NDFIP2: variants seen among roughly 807,000 people sequenced by gnomAD.
The protein encoded by NDFIP2 is NEDD4 family-interacting protein 2.
Under a neutral mutation model 36.0 loss-of-function variants are expected in NDFIP2, and 19 were observed. The observed-to-expected ratio is 0.53, with a 90% CI of 0.37 to 0.77. The LOEUF (loss-of-function observed/expected upper bound fraction) is 0.77, where lower values mean the gene tolerates loss of function less well. Ranked by LOEUF, NDFIP2 falls within the 30% of genes least tolerant of loss-of-function variation. The probability of loss-of-function intolerance (pLI) is 0.00; values close to 1 mark genes in which losing one functional copy is unlikely to be tolerated. For missense variants in NDFIP2, 446 were observed against 435.8 expected, an observed-to-expected ratio of 1.02 and a Z score of -0.21; for synonymous variants, 181 against 167.7, an observed-to-expected ratio of 1.08 and a Z score of -0.61.
In NDFIP2 at chr13:79,533,485, A is replaced by G. The variant is rs1239703033; in HGVS notation, c.621+29A>G. The stretch of plus-strand genomic sequence containing the variant: ...AGAAAATTTCATCATTTCTTTTGAT[A>G]AAATTATTTTCGTTAATTGATATAT... On this transcript the variant is annotated intron_variant, in intron 3 of 7. Transcript: ENST00000218652. The G allele has an allele frequency of 8.9e-6, 14 of 1,566,874 alleles. No homozygotes were observed. The East Asian group carries it at 3.0e-4, about 34-fold the overall frequency.
At chr13:79,550,890 T>C (rs1330294184) in intron 6 of NDFIP2, 127 bp from the exon 7 acceptor site, 23 of 545,658 alleles carry the variant, frequency 4.2e-5, no homozygotes, top group Non-Finnish European at 6.6e-6. Context: ...ATTACAGAAA[T>C]GAATGGAAGT....
intron 3 of NDFIP2, 117 bp downstream of exon 3, chr13:79,533,573 A>G: frequency 2.2e-6 from 2 of 901,810 alleles, no homozygotes; most frequent in Non-Finnish European, 3.2e-6. Context: ...TTTTTTGAGC[A>G]TTATGGGTTT....
At chr13:79,546,171 G>T (rs1875670912) in intron 5 of NDFIP2, among the ~76,000 whole-genome samples, 1 of 152,040 alleles carries the variant, frequency 6.6e-6, no homozygotes, top group South Asian at 2.1e-4. Flanking sequence ...AGAGTTTAGT[G>T]CTGAGAGAAA....
chr13:79,491,038 G>A (rs1273628386), intron 1 of NDFIP2, among the ~76,000 whole-genome samples: 3 of 151,988 alleles, frequency 2.0e-5, no homozygotes, highest in Admixed American at 1.3e-4. Context: ...ACTCCTTATC[G>A]CTGTTTCCTG....
chr13:79,516,237 A>G (rs1455534519), intron 1 of NDFIP2, among the ~76,000 whole-genome samples: 1 of 151,746 alleles, frequency 6.6e-6, no homozygotes, highest in Non-Finnish European at 1.5e-5. Flanking sequence ...CTCCAATAGT[A>G]AAAAAGTTTT....
intron 1 of NDFIP2, among the ~76,000 whole-genome samples, chr13:79,515,946 G>A (rs1009655669): frequency 6.7e-6 from 1 of 149,208 alleles, no homozygotes; most frequent in South Asian, 2.1e-4. Flanking sequence ...TGGGTGGGGG[G>A]CAGGGGTCAT....
chr13:79,500,555 A>G (rs1169917878), intron 1 of NDFIP2, among the ~76,000 whole-genome samples: 1 of 152,072 alleles, frequency 6.6e-6, no homozygotes, highest in Non-Finnish European at 1.5e-5. Context: ...TACAGATGGC[A>G]AGTAAGCAAA....
intron 1 of NDFIP2, among the ~76,000 whole-genome samples, chr13:79,482,590 C>T (rs2079821701): frequency 6.6e-6 from 1 of 150,624 alleles, no homozygotes. Flanking sequence ...GTATGTTAGT[C>T]CCAGGTTTCA....
intron 1 of NDFIP2, among the ~76,000 whole-genome samples, chr13:79,498,367 C>G (rs1873529533): frequency 6.6e-6 from 1 of 151,828 alleles, no homozygotes; most frequent in African/African-American, 2.4e-5. Context: ...ATCATTATAA[C>G]TTGAAAATGG....
intron 1 of NDFIP2, among the ~76,000 whole-genome samples, chr13:79,486,953 C>G (rs2140729741): frequency 6.6e-6 from 1 of 152,286 alleles, no homozygotes; most frequent in South Asian, 2.1e-4. Flanking sequence ...TAAGTACGCT[C>G]TCTGATGTTA....
chr13:79,525,226 G>A (rs1874744808), intron 2 of NDFIP2, among the ~76,000 whole-genome samples: 1 of 152,130 alleles, frequency 6.6e-6, no homozygotes, highest in South Asian at 2.1e-4. Flanking sequence ...CCATCAGTCG[G>A]AACATGTTTC....
chr13:79,523,471 C>T (rs768638655), intron 2 of NDFIP2, among the ~76,000 whole-genome samples: 4 of 152,200 alleles, frequency 2.6e-5, no homozygotes, highest in Admixed American at 1.3e-4. Flanking sequence ...CTGCCCACCT[C>T]GGCCTCCCAA....
chr13:79,484,145 C>T (rs891397595), intron 1 of NDFIP2, among the ~76,000 whole-genome samples: 1 of 151,890 alleles, frequency 6.6e-6, no homozygotes, highest in Non-Finnish European at 1.5e-5. Context: ...CCTCCTGAGT[C>T]ACTGGGACTA....
At chr13:79,513,506 T>C (rs1374529923) in intron 1 of NDFIP2, among the ~76,000 whole-genome samples, 1 of 152,104 alleles carries the variant, frequency 6.6e-6, no homozygotes, top group Non-Finnish European at 1.5e-5. Context: ...ATGAAACATA[T>C]AGATATTAAT....
At chr13:79,547,914 TTAAAC>T (rs1875749541) in intron 5 of NDFIP2, among the ~76,000 whole-genome samples, 1 of 152,132 alleles carries the variant, frequency 6.6e-6, no homozygotes, top group South Asian at 2.1e-4. Context: ...TCTGATAAGA[TTAAAC>T]TAATGTGGCT....
intron 1 of NDFIP2, among the ~76,000 whole-genome samples, chr13:79,484,622 T>C (rs1229913992): frequency 6.6e-6 from 1 of 152,244 alleles, no homozygotes; most frequent in African/African-American, 2.4e-5. Context: ...TTAACATTTC[T>C]ACAATATCAA....
chr13:79,506,949 G>C (rs1326408802), intron 1 of NDFIP2, among the ~76,000 whole-genome samples: 1 of 151,968 alleles, frequency 6.6e-6, no homozygotes, highest in East Asian at 1.9e-4. Flanking sequence ...CACTAAAATT[G>C]GGAAAATAGT....
At chr13:79,495,155 A>G (rs1204625945) in intron 1 of NDFIP2, among the ~76,000 whole-genome samples, 1 of 151,906 alleles carries the variant, frequency 6.6e-6, no homozygotes, top group African/African-American at 2.4e-5. Context: ...AATATATCCA[A>G]CTTGATAATA....
chr13:79,506,631 T>C (rs569775808), intron 1 of NDFIP2, among the ~76,000 whole-genome samples: 38 of 152,208 alleles, frequency 2.5e-4, no homozygotes, highest in African/African-American at 9.1e-4. Flanking sequence ...AAGCGATATA[T>C]ACTTTATTTT....
Sources: allele counts gnomAD v4.1 joint callset (sites outside exome capture counted in the v4.1 genomes callset), GRCh38; gene constraint gnomAD v4.1.1; transcripts MANE v1.5; gene names NCBI Gene and HGNC (gene_info 2026-07-23, HGNC 2026-07-21).